Variants in EPM2A observed in about 807,000 individuals in gnomAD.
EPM2A encodes the protein laforin.
In EPM2A, 21 loss-of-function variants were observed where a neutral mutation model predicts 26.5. The ratio of observed to expected loss-of-function variants is 0.79; its 90% CI spans 0.56 to 1.14. The LOEUF (loss-of-function observed/expected upper bound fraction) is 1.14. Among genes scored for constraint, EPM2A ranks in the 50% most tolerant of loss-of-function variants. EPM2A has a pLI of 0.00. For missense variants in EPM2A, 458 were observed against 440.8 expected (o/e 1.04, Z -0.35); for synonymous variants, 217 against 177.6 (o/e 1.22, Z -1.76).
At chr6:145,430,510 A>G (rs951039343) in intron 4 of EPM2A, among the ~76,000 whole-genome samples, 1 of 151,842 alleles carries the variant, frequency 6.6e-6, no homozygotes, top group Non-Finnish European at 1.5e-5. Context: ...CTGAAGCAGG[A>G]GAATCGCTTG....
At chr6:145,526,320 G>A (rs1780272793) in intron 2 of EPM2A, among the ~76,000 whole-genome samples, 1 of 151,992 alleles carries the variant, frequency 6.6e-6, no homozygotes, top group Admixed American at 6.6e-5. Flanking sequence ...TTGCAGAAAA[G>A]TCTTTTCTCC....
chr6:145,634,169 T>C (rs9497380), intron 3 of EPM2A, among the ~76,000 whole-genome samples: 70,463 of 151,860 alleles, frequency 0.46, 16,938 homozygotes, highest in African/African-American at 0.57. Flanking sequence ...CTCCCATTTC[T>C]GAAGCTCTCT....
chr6:145,588,521 A>G (rs1781228191), intron 2 of EPM2A, among the ~76,000 whole-genome samples: 1 of 152,224 alleles, frequency 6.6e-6, no homozygotes, highest in Non-Finnish European at 1.5e-5. Flanking sequence ...GAAAAGTGTT[A>G]AGAAAAATGT....
chr6:145,533,562 C>T (rs549886383), intron 2 of EPM2A, among the ~76,000 whole-genome samples: 101 of 152,332 alleles, frequency 6.6e-4, no homozygotes, highest in African/African-American at 2.3e-3. Context: ...ATGCTCCAGA[C>T]ACAAAGTGTG....
chr6:145,490,459 C>T (rs139065215), intron 4 of EPM2A: 16 of 728,500 alleles, frequency 2.2e-5, no homozygotes, highest in Admixed American at 7.8e-5. Flanking sequence ...AGGTTTTTCA[C>T]CTGTATGTTT....
In EPM2A at chr6:145,534,088, T is replaced by C. The variant is rs1780399192; in HGVS notation, c.341-31513A>G. 1.7e-5 allele frequency among the ~76,000 whole-genome samples: 2 copies of C among 119,918 alleles called. 1 individual carries two copies. Among genetic ancestry groups the C allele is most frequent in the Admixed American group, 1.6e-4 (2 of 12,410 alleles). 78.7% of individuals were successfully genotyped at this position (119,918 alleles called of 152,430 possible). On this transcript the variant is annotated intron_variant, in intron 2 of 3. Transcript: ENST00000450221. ...CACTTACTTATTCTCTTTATTCCAA[T>C]AATAAATATAATTGAGAATCTGCTG...
At chr6:145,555,773 A>G (rs1354301260) in intron 2 of EPM2A, among the ~76,000 whole-genome samples, 1 of 152,096 alleles carries the variant, frequency 6.6e-6, no homozygotes, top group Non-Finnish European at 1.5e-5. Flanking sequence ...CAGTAGCCCA[A>G]TCTGTTCCTC....
chr6:145,469,750 C>G (rs1352224850), intron 4 of EPM2A, among the ~76,000 whole-genome samples: 1 of 152,054 alleles, frequency 6.6e-6, no homozygotes, highest in Non-Finnish European at 1.5e-5. Context: ...TTCACAATAA[C>G]CAAGATTTTG....
intron 4 of EPM2A, among the ~76,000 whole-genome samples, chr6:145,486,807 A>G (rs893440351): frequency 3.3e-5 from 5 of 152,202 alleles, no homozygotes; most frequent in African/African-American, 9.6e-5. Context: ...CTATTATACT[A>G]TTACACATTA....
At chr6:145,484,091 C>T (rs899463439) in intron 4 of EPM2A, among the ~76,000 whole-genome samples, 3 of 152,088 alleles carry the variant, frequency 2.0e-5, no homozygotes, top group African/African-American at 7.2e-5. Context: ...TCAGAAACCA[C>T]CAGAGTATCA....
chr6:145,466,659 C>T (rs1387758911), intron 4 of EPM2A, among the ~76,000 whole-genome samples: 3 of 152,036 alleles, frequency 2.0e-5, no homozygotes, highest in South Asian at 2.1e-4. Context: ...ACCCAAAGGA[C>T]TATAAATCAT....
intron 1 of EPM2A, among the ~76,000 whole-genome samples, chr6:145,696,534 A>G (rs6913497): frequency 0.067 from 10,145 of 152,244 alleles, 1,136 homozygotes; most frequent in African/African-American, 0.23. Context: ...CCCCATACAC[A>G]TATACAATTA....
chr6:145,694,518 T>C (rs897266406), intron 1 of EPM2A, among the ~76,000 whole-genome samples: 2 of 152,102 alleles, frequency 1.3e-5, no homozygotes, highest in Admixed American at 1.3e-4. Flanking sequence ...TAGTCTTAGA[T>C]ACAGCTAAAC....
At chr6:145,689,084 G>T (rs1254108873) in intron 1 of EPM2A, among the ~76,000 whole-genome samples, 3 of 152,156 alleles carry the variant, frequency 2.0e-5, no homozygotes, top group African/African-American at 7.2e-5. Context: ...TGGTCAAGAA[G>T]AATTATTTAT....
chr6:145,472,731 C>T (rs1053613511), intron 4 of EPM2A, among the ~76,000 whole-genome samples: 3 of 152,094 alleles, frequency 2.0e-5, no homozygotes, highest in African/African-American at 7.2e-5. Flanking sequence ...GTTTTGAATG[C>T]TAGCTCAGCC....
rs76999203 is a variant in EPM2A, at chr6:145,722,591, T to G, written c.301+12607A>C. Among the ~76,000 whole-genome samples, 4 of 152,160 alleles carry G rather than the reference T, an allele frequency of 2.6e-5. No homozygotes were observed. In the East Asian group the frequency reaches 7.7e-4, roughly 29 times the overall value. The stretch of plus-strand genomic sequence containing the variant: ...AATACTAAATCATAACCCGAAATGT[T>G]AGAATAATTTGGTGAATGAAGTATT... On this transcript the variant is annotated intron_variant, in intron 1 of 3. Coordinates refer to ENST00000367519, the MANE Select transcript of EPM2A (RefSeq NM_005670.4).
rs74839650 is a variant in EPM2A at position 145,454,654 on chromosome 6, T to C, written c.555+47868A>G. On this transcript the variant is annotated intron_variant, in intron 4 of 4. Transcript: ENST00000638717. Reference sequence around the variant, plus strand: ...AAGTGCCAAGTGGAGAGAAAAATTCTTCTTTGATTTTCTATAATCCCAAAC... The same window carrying C: ...AAGTGCCAAGTGGAGAGAAAAATTCCTCTTTGATTTTCTATAATCCCAAAC... Among the ~76,000 whole-genome samples the C allele has an allele frequency of 3.1e-3, 473 of 152,314 alleles. 10 individuals carry two copies. The East Asian group carries it at 0.054, about 17-fold the overall frequency.
intron 4 of EPM2A, chr6:145,492,120 C>G: frequency 4.3e-6 from 1 of 231,728 alleles, no homozygotes; most frequent in Non-Finnish European, 8.4e-6. Context: ...AGTTCATGGT[C>G]TGTCCTCCTT....
At chr6:145,608,744 T>C (rs1473914448) in intron 2 of EPM2A, among the ~76,000 whole-genome samples, 1 of 152,136 alleles carries the variant, frequency 6.6e-6, no homozygotes, top group African/African-American at 2.4e-5. Context: ...AAGCATGCCA[T>C]GGAGAAAAAG....
Sources: gnomAD v4.1 joint callset for allele counts (sites outside exome capture counted in the v4.1 genomes callset) on GRCh38, gnomAD v4.1.1 for gene constraint, MANE v1.5 for transcripts, NCBI Gene and HGNC (gene_info 2026-07-23, HGNC 2026-07-21) for gene names.